Variants in QTMAN observed in about 807,000 individuals in gnomAD.
The protein encoded by QTMAN is queuosine-tRNA mannosyltransferase.
chr2:144,215,549 T>C, the QTMAN span, among the ~76,000 whole-genome samples: 5 of 152,148 alleles, frequency 3.3e-5, no homozygotes. Flanking sequence ...TATTAAAAAA[T>C]TACAAGATTT....
chr2:144,177,587 A>G, the QTMAN span, among the ~76,000 whole-genome samples: 6 of 152,176 alleles, frequency 3.9e-5, no homozygotes, highest in Admixed American at 3.9e-4. Context: ...CTTGGTAGAC[A>G]TCTGGAGGAA....
At chr2:144,176,490 C>T in the QTMAN span, among the ~76,000 whole-genome samples, 1 of 151,620 alleles carries the variant, frequency 6.6e-6, no homozygotes, top group Non-Finnish European at 1.5e-5. Flanking sequence ...AATTACTAGA[C>T]AACAAAATTA....
the QTMAN span, among the ~76,000 whole-genome samples, chr2:144,077,297 G>A: frequency 3.3e-5 from 5 of 152,214 alleles, no homozygotes; most frequent in African/African-American, 4.8e-5. Flanking sequence ...GCAAAGCAAA[G>A]TTTACAATAA....
the QTMAN span, among the ~76,000 whole-genome samples, chr2:144,123,396 T>C: frequency 6.6e-6 from 1 of 152,162 alleles, no homozygotes; most frequent in African/African-American, 2.4e-5. Flanking sequence ...TCTTATAACC[T>C]GAACATTTGA....
At chr2:144,228,048 G>T in the QTMAN span, among the ~76,000 whole-genome samples, 12 of 152,136 alleles carry the variant, frequency 7.9e-5, no homozygotes, top group Non-Finnish European at 8.8e-5. Context: ...TGTTCTTCCT[G>T]CTTGAAAGTG....
At chr2:144,248,962 T>C in the QTMAN span, among the ~76,000 whole-genome samples, 1 of 152,222 alleles carries the variant, frequency 6.6e-6, no homozygotes, top group East Asian at 1.9e-4. Flanking sequence ...AACAGATCCA[T>C]GTTTATCACC....
the QTMAN span, among the ~76,000 whole-genome samples, chr2:144,086,717 T>A: frequency 6.6e-6 from 1 of 152,196 alleles, no homozygotes; most frequent in African/African-American, 2.4e-5. Context: ...TATTCATACA[T>A]TTTCTTTACT....
the QTMAN span, among the ~76,000 whole-genome samples, chr2:144,326,848 T>G: frequency 6.6e-6 from 1 of 152,266 alleles, no homozygotes; most frequent in Middle Eastern, 3.4e-3. Context: ...AGACAGATAA[T>G]GACCTTGCTT....
At chr2:144,121,523 G>C in the QTMAN span, among the ~76,000 whole-genome samples, 8 of 152,196 alleles carry the variant, frequency 5.3e-5, no homozygotes, top group African/African-American at 1.4e-4. Flanking sequence ...GCTGTCAGGT[G>C]CATCTACCAT....
the QTMAN span, among the ~76,000 whole-genome samples, chr2:144,073,344 T>C: frequency 1.6e-4 from 24 of 152,014 alleles, no homozygotes; most frequent in Middle Eastern, 6.8e-3. Context: ...TGGCAAGCAA[T>C]CTGTTTTACT....
the QTMAN span, among the ~76,000 whole-genome samples, chr2:143,992,535 A>T: frequency 1.7e-3 from 253 of 151,588 alleles, no homozygotes; most frequent in African/African-American, 5.7e-3. Flanking sequence ...GATCAATAAA[A>T]AAATAAATAA....
chr2:144,058,119 C>CCT, the QTMAN span, among the ~76,000 whole-genome samples: 77 of 114,046 alleles, frequency 6.8e-4, 4 homozygotes, highest in African/African-American at 3.4e-3. Context: ...GAACCCCCCT[C>CCT]CCCCACCCCG....
At chr2:143,962,709 G>C in the QTMAN span, among the ~76,000 whole-genome samples, 1 of 152,230 alleles carries the variant, frequency 6.6e-6, no homozygotes, top group East Asian at 1.9e-4. Context: ...GAAAGAATAG[G>C]ATCTTAGTTA....
chr2:144,228,135 C>T, the QTMAN span, among the ~76,000 whole-genome samples: 1 of 152,260 alleles, frequency 6.6e-6, no homozygotes, highest in South Asian at 2.1e-4. Flanking sequence ...GTATCAGTTA[C>T]CTGTGAACTA....
chr2:144,264,072 G>C, the QTMAN span, among the ~76,000 whole-genome samples: 109 of 152,230 alleles, frequency 7.2e-4, no homozygotes, highest in African/African-American at 2.5e-3. Flanking sequence ...CCTGAACTAA[G>C]AAGAGAAGCA....
the QTMAN span, among the ~76,000 whole-genome samples, chr2:144,059,310 G>A: frequency 6.6e-6 from 1 of 152,082 alleles, no homozygotes; most frequent in Admixed American, 6.6e-5. Flanking sequence ...CTCAGTTCAA[G>A]CCATTCCTTT....
the QTMAN span, among the ~76,000 whole-genome samples, chr2:144,312,409 A>G: frequency 6.6e-6 from 1 of 152,092 alleles, no homozygotes; most frequent in Non-Finnish European, 1.5e-5. Context: ...CCTTGGCAGG[A>G]TCCATCCAGA....
chr2:144,317,479 C>T, the QTMAN span: 39 of 152,074 alleles, frequency 2.6e-4, no homozygotes, highest in Admixed American at 1.6e-3. Context: ...ACACCCTTAC[C>T]TTACATTAAT....
At chr2:144,016,107 A>G in the QTMAN span, among the ~76,000 whole-genome samples, 5 of 152,260 alleles carry the variant, frequency 3.3e-5, no homozygotes, top group South Asian at 1.0e-3. Flanking sequence ...TCAGTTAGCA[A>G]ATATTCATTC....
Sources: allele counts gnomAD v4.1 joint callset (sites outside exome capture counted in the v4.1 genomes callset), GRCh38; gene constraint gnomAD v4.1.1; transcripts MANE v1.5; gene names NCBI Gene and HGNC (gene_info 2026-07-23, HGNC 2026-07-21).